Variants in NHSL1 observed in about 807,000 individuals in gnomAD.
NHSL1 encodes NHS like 1.
NHSL1 carries 48 observed loss-of-function variants against 95.0 expected under a neutral mutation model. The ratio of observed to expected loss-of-function variants is 0.51; its 90% CI spans 0.40 to 0.64. The LOEUF (loss-of-function observed/expected upper bound fraction) is 0.64. Ranked by LOEUF, NHSL1 falls within the 30% of genes least tolerant of loss-of-function variation. The probability of loss-of-function intolerance (pLI) is 0.00; values close to 1 mark genes in which losing one functional copy is unlikely to be tolerated. For missense variants in NHSL1, 1,971 were observed against 2,077.7 expected (o/e 0.95, Z 1.00); for synonymous variants, 783 against 833.9 (o/e 0.94, Z 1.05).
intron 1 of NHSL1, among the ~76,000 whole-genome samples, chr6:138,594,831 A>G (rs924350073): frequency 4.6e-5 from 7 of 152,238 alleles, no homozygotes; most frequent in African/African-American, 7.2e-5. Flanking sequence ...TTTCACAAAG[A>G]AAGAAAAATG....
At chr6:138,571,965 G>A (rs1161421966) in exon 1 of NHSL1, 7 of 1,492,146 alleles carry the variant, frequency 4.7e-6, no homozygotes, top group Admixed American at 4.1e-5. Flanking sequence ...CAAAACGCTG[G>A]GTTTTTTGCG....
intron 2 of NHSL1, among the ~76,000 whole-genome samples, chr6:138,495,588 A>G (rs1356402993): frequency 6.6e-6 from 1 of 152,236 alleles, no homozygotes; most frequent in Non-Finnish European, 1.5e-5. Flanking sequence ...GGATCAAATT[A>G]ACACTGGCGG....
At chr6:138,526,774 G>C (rs1781923357) in intron 1 of NHSL1, among the ~76,000 whole-genome samples, 1 of 151,992 alleles carries the variant, frequency 6.6e-6, no homozygotes, top group South Asian at 2.1e-4. Context: ...CATGAGTTTT[G>C]AAATGTAACT....
At chr6:138,596,553 C>T (rs1371144574) in intron 1 of NHSL1, among the ~76,000 whole-genome samples, 2 of 152,138 alleles carry the variant, frequency 1.3e-5, no homozygotes, top group Non-Finnish European at 2.9e-5. Flanking sequence ...AGTGCAGAAA[C>T]TGAACTGTAT....
At chr6:138,610,560 T>TATATATATATATA (rs1554256222) in intron 1 of NHSL1, among the ~76,000 whole-genome samples, 12 of 64,592 alleles carry the variant, frequency 1.9e-4, no homozygotes, top group African/African-American at 9.5e-4. Context: ...TATATATATA[T>TATATATATATATA]TATATATATA....
chr6:138,618,062 G>T (rs75040770), intron 1 of NHSL1, among the ~76,000 whole-genome samples: 1,533 of 152,226 alleles, frequency 0.01, 29 homozygotes, highest in African/African-American at 0.034. Flanking sequence ...TTTCATATGG[G>T]TATAATTTTA....
upstream of NHSL1, among the ~76,000 whole-genome samples, chr6:138,500,692 C>G (rs1485368660): frequency 1.3e-5 from 2 of 152,136 alleles, no homozygotes; most frequent in South Asian, 4.1e-4. Flanking sequence ...GATTCCTTCT[C>G]AGGTCTTTTT....
At chr6:138,531,207 T>C (rs1050091276) in intron 1 of NHSL1, among the ~76,000 whole-genome samples, 1 of 152,194 alleles carries the variant, frequency 6.6e-6, no homozygotes, top group Non-Finnish European at 1.5e-5. Flanking sequence ...AAATCAAAAA[T>C]TAAACTGTTT....
chr6:138,664,411 T>C (rs375718910), intron 1 of NHSL1, among the ~76,000 whole-genome samples: 3 of 152,084 alleles, frequency 2.0e-5, no homozygotes, highest in Non-Finnish European at 4.4e-5. Flanking sequence ...AAAAAACACA[T>C]ATGCCAAGAA....
intron 1 of NHSL1, among the ~76,000 whole-genome samples, chr6:138,626,171 C>T (rs1330167790): frequency 6.6e-6 from 1 of 152,226 alleles, no homozygotes; most frequent in Admixed American, 6.5e-5. Flanking sequence ...AATTATTCCA[C>T]CTGTCTTCCT....
At chr6:138,691,892 G>C (rs1210711870) in intron 1 of NHSL1, 1 of 456,618 alleles carries the variant, frequency 2.2e-6, no homozygotes, top group Non-Finnish European at 4.4e-6. Flanking sequence ...GGTCAGTCTG[G>C]GAGAAGAAAG....
chr6:138,533,555 AT>A (rs1337578070), intron 1 of NHSL1, among the ~76,000 whole-genome samples: 1 of 152,270 alleles, frequency 6.6e-6, no homozygotes, highest in Non-Finnish European at 1.5e-5. Context: ...TCTCAAAAAA[AT>A]AAAAAATAAA....
chr6:138,639,043 T>C (rs1784925892), intron 1 of NHSL1, among the ~76,000 whole-genome samples: 1 of 152,222 alleles, frequency 6.6e-6, no homozygotes, highest in Non-Finnish European at 1.5e-5. Flanking sequence ...TAAATCTGGG[T>C]TACAGCAGCT....
At chr6:138,521,156 T>C (rs1165761959) in intron 1 of NHSL1, among the ~76,000 whole-genome samples, 2 of 152,140 alleles carry the variant, frequency 1.3e-5, no homozygotes, top group South Asian at 2.1e-4. Context: ...CTGTAACCAA[T>C]AGTATTCGTT....
intron 1 of NHSL1, among the ~76,000 whole-genome samples, chr6:138,589,116 G>A (rs1433158837): frequency 6.6e-6 from 1 of 152,152 alleles, no homozygotes; most frequent in Non-Finnish European, 1.5e-5. Context: ...ACCCGCAAAG[G>A]ATCCTGCATC....
Position 138,423,345 on chromosome 6 carries a change from T to G in NHSL1, c.*736A>C, listed in dbSNP as rs1273264726. ...AAAAAATTACCCACACTTCTAAAAATCAGGCTACAATTGTGTGTATGTGGC... is the reference window on the plus strand; with the variant it reads ...AAAAAATTACCCACACTTCTAAAAAGCAGGCTACAATTGTGTGTATGTGGC... On this transcript the variant is annotated 3_prime_UTR_variant, in exon 8 of 8. Transcript: ENST00000343505. 6.6e-6 allele frequency: 1 copy of G among 152,166 alleles called. No homozygotes were observed. Among genetic ancestry groups the G allele is most frequent in the Non-Finnish European group, 1.5e-5 (1 of 68,028 alleles). The allele number at this position is 152,166 out of a possible 1,614,324, so 9.4% of individuals were successfully genotyped here. A position where few individuals can be genotyped will look rare whatever the true frequency, so the allele number is the denominator to read the frequency against.
Position 138,499,403 on chromosome 6 carries a change from G to C in NHSL1, c.-113C>G. ...ACAGATTCTAACTTTTTCTTCCCCC[G>C]GTCTCATATCCTTAGACATCTGCCC... On this transcript the variant is annotated 5_prime_UTR_variant, in exon 1 of 8. Coordinates refer to ENST00000343505, the MANE Select transcript of NHSL1 (RefSeq NM_001144060.2). The C allele has an allele frequency of 6.7e-7, 1 of 1,486,358 alleles. No individual in the cohort carries two copies. The highest frequency in any genetic ancestry group is 9.0e-7 in the Non-Finnish European group (1 of 1,112,660). The allele number at this position is 1,486,358 out of a possible 1,614,324, so 92.1% of individuals were successfully genotyped here. A position where few individuals can be genotyped will look rare whatever the true frequency, so the allele number is the denominator to read the frequency against.
chr6:138,505,017 C>T (rs1780886390), intron 1 of NHSL1, among the ~76,000 whole-genome samples: 1 of 152,036 alleles, frequency 6.6e-6, no homozygotes, highest in African/African-American at 2.4e-5. Context: ...TTAAAGTACA[C>T]CCTCATTATT....
In NHSL1 at chr6:138,431,312, G is replaced by A. The variant is rs534725238; in HGVS notation, c.3033C>T (p.Pro1011=). 6.6e-6 allele frequency: 10 copies of A among 1,509,950 alleles called. No homozygotes were observed. The highest frequency in any genetic ancestry group is 2.1e-5 in the Admixed American group (1 of 47,082). 93.5% of individuals were successfully genotyped at this position (1,509,950 alleles called of 1,614,324 possible). ...LPDSPVSLPL[P]PPLLPSSEPP... is the part of the protein sequence containing the mutation. ...GTTCCGAGGAAGGTAAGAGAGGTGG[G>A]GGCAATGGCAAGGACACAGGTGAAT... Residue 1011 remains proline, a synonymous_variant, in exon 6 of 8, where the codon CCC becomes CCT. Transcript: ENST00000343505. This position sits in a 1 kb window ranked among gnomAD's most constrained non-coding sequence, Gnocchi z 4.0.
Sources: allele counts gnomAD v4.1 joint callset (sites outside exome capture counted in the v4.1 genomes callset), GRCh38; gene constraint gnomAD v4.1.1; non-coding constraint Gnocchi (gnomAD v3.1); transcripts MANE v1.5; gene names NCBI Gene and HGNC (gene_info 2026-07-23, HGNC 2026-07-21).